HORMAD2: variants seen among roughly 807,000 people sequenced by gnomAD.
The protein encoded by HORMAD2 is HORMA domain-containing protein 2.
HORMAD2 carries 45 observed loss-of-function variants against 38.8 expected under a neutral mutation model. The ratio of observed to expected loss-of-function variants is 1.16; its 90% CI spans 0.91 to 1.49. The LOEUF (loss-of-function observed/expected upper bound fraction) is 1.49, where lower values mean the gene tolerates loss of function less well. Ranked by LOEUF, HORMAD2 falls within the 40% of genes most tolerant of loss-of-function variation. The pLI is 0.00. For missense variants in HORMAD2, 338 were observed against 367.0 expected, an observed-to-expected ratio of 0.92 and a Z score of 0.65; for synonymous variants, 126 against 122.8, an observed-to-expected ratio of 1.03 and a Z score of -0.17.
intron 10 of HORMAD2, among the ~76,000 whole-genome samples, chr22:30,149,187 G>A (rs986516925): frequency 6.6e-6 from 1 of 152,032 alleles, no homozygotes; most frequent in African/African-American, 2.4e-5. Context: ...TTCCTTTCTT[G>A]TACAAATTTT....
At chr22:30,179,313 A>G (rs1181795238), downstream of HORMAD2, among the ~76,000 whole-genome samples, 1 of 152,200 alleles carries the variant, frequency 6.6e-6, no homozygotes, top group East Asian at 1.9e-4. Flanking sequence ...GATTCTGTAC[A>G]AGCGAGAAAA....
At chr22:30,129,240 AAAAAAAAAAAAAAAAAGAGAG>A (rs1923105383) in intron 10 of HORMAD2, among the ~76,000 whole-genome samples, 1 of 62,906 alleles carries the variant, frequency 1.6e-5, no homozygotes, top group African/African-American at 6.1e-5. Flanking sequence ...AAAAAAAAAA[AAAAAAAAAAAAAAAAAGAGAG>A]AGAGAGAATA....
At chr22:30,125,216 CTTTTTTTTTTTTT>C (rs1167990121) in intron 10 of HORMAD2, among the ~76,000 whole-genome samples, 1 of 43,484 alleles carries the variant, frequency 2.3e-5, no homozygotes, top group Non-Finnish European at 4.0e-5. Context: ...TTTTTCTTTT[CTTTTTTTTTTTTT>C]TTTTTTTTTT....
the HORMAD2 span, among the ~76,000 whole-genome samples, chr22:30,197,116 GC>G: frequency 6.6e-6 from 1 of 152,206 alleles, no homozygotes; most frequent in Admixed American, 6.5e-5. Flanking sequence ...TTTTGGGCAG[GC>G]TTTTCCCTAG....
the HORMAD2 span, among the ~76,000 whole-genome samples, chr22:30,200,866 C>A: frequency 1.2e-4 from 18 of 152,120 alleles, no homozygotes; most frequent in African/African-American, 4.3e-4. Flanking sequence ...TCTCCTGCTT[C>A]AGCCTCTCAG....
intron 2 of HORMAD2, among the ~76,000 whole-genome samples, chr22:30,096,658 G>C (rs1446755799): frequency 6.6e-6 from 1 of 151,804 alleles, no homozygotes; most frequent in Non-Finnish European, 1.5e-5. Context: ...AGTAGAGACG[G>C]GGGTTTCACC....
At chr22:30,193,498 G>A in the HORMAD2 span, among the ~76,000 whole-genome samples, 6 of 152,276 alleles carry the variant, frequency 3.9e-5, no homozygotes, top group Middle Eastern at 3.4e-3. Flanking sequence ...AGTGGGGAAG[G>A]GTCAGAAGGG....
intron 7 of HORMAD2, among the ~76,000 whole-genome samples, chr22:30,115,985 A>G (rs978170473): frequency 6.6e-6 from 1 of 152,222 alleles, no homozygotes; most frequent in African/African-American, 2.4e-5. Context: ...GTCAAATCGC[A>G]GTTCTACCAC....
At chr22:30,117,611 C>A (rs942477762) in intron 7 of HORMAD2, among the ~76,000 whole-genome samples, 1 of 151,960 alleles carries the variant, frequency 6.6e-6, no homozygotes, top group Non-Finnish European at 1.5e-5. Flanking sequence ...TGGGTTCAAG[C>A]GATTCTCCTG....
At chr22:30,081,003 C>T (rs1182401319) in intron 1 of HORMAD2, 1 of 152,452 alleles carries the variant, frequency 6.6e-6, no homozygotes, top group Admixed American at 6.5e-5. Flanking sequence ...GACCTCAGCT[C>T]CCCTTTCACT....
chr22:30,188,939 C>A, the HORMAD2 span, among the ~76,000 whole-genome samples: 2 of 151,892 alleles, frequency 1.3e-5, no homozygotes, highest in Non-Finnish European at 2.9e-5. Context: ...AGTTCAAGAC[C>A]AGCCTGGGCA....
intron 10 of HORMAD2, among the ~76,000 whole-genome samples, chr22:30,124,825 A>G (rs1406087095): frequency 6.6e-6 from 1 of 152,122 alleles, no homozygotes; most frequent in African/African-American, 2.4e-5. Flanking sequence ...GTGTATTTTC[A>G]ACTATATTAG....
chr22:30,116,547 G>A (rs1399864804), intron 7 of HORMAD2, among the ~76,000 whole-genome samples: 1 of 152,090 alleles, frequency 6.6e-6, no homozygotes, highest in Non-Finnish European at 1.5e-5. Flanking sequence ...ATGATTCATA[G>A]AAACCACTGA....
chr22:30,140,099 A>G (rs980948071), intron 10 of HORMAD2, among the ~76,000 whole-genome samples: 1 of 152,036 alleles, frequency 6.6e-6, no homozygotes, highest in South Asian at 2.1e-4. Flanking sequence ...CACTGGCTTC[A>G]TAAAAATGAG....
At chr22:30,085,395 T>A (rs2065987117) in intron 1 of HORMAD2, among the ~76,000 whole-genome samples, 1 of 152,186 alleles carries the variant, frequency 6.6e-6, no homozygotes, top group Admixed American at 6.6e-5. Flanking sequence ...TGGTTTATAC[T>A]ATATTAAACA....
chr22:30,196,008 G>C, the HORMAD2 span, among the ~76,000 whole-genome samples: 1 of 152,206 alleles, frequency 6.6e-6, no homozygotes, highest in Admixed American at 6.5e-5. Context: ...CTTAATCTTG[G>C]TTTAAACAAA....
At chr22:30,146,365 C>T (rs1279905580) in intron 10 of HORMAD2, among the ~76,000 whole-genome samples, 6 of 152,152 alleles carry the variant, frequency 3.9e-5, no homozygotes, top group Admixed American at 3.9e-4. Context: ...CCTGGGGGCG[C>T]GTGCCTATAG....
At position 30,120,096 on chromosome 22, in the gene HORMAD2, G is replaced by A. The variant is rs1437026899; in HGVS notation, c.410+1049G>A. Among the ~76,000 whole-genome samples, 4 of 152,132 alleles carry A rather than the reference G, an allele frequency of 2.6e-5. No homozygotes were observed. The East Asian group carries it at 7.7e-4, about 29-fold the overall frequency. On this transcript the variant is annotated intron_variant, in intron 8 of 10. Transcript: ENST00000336726. ...ACTGATGGCCAGATTAAACTCTTTT[G>A]TTCTGAAGGCACATATGCCAAGAGG...
chr22:30,107,765 T>C (rs1365550413), intron 5 of HORMAD2, among the ~76,000 whole-genome samples: 1 of 151,514 alleles, frequency 6.6e-6, no homozygotes, highest in Non-Finnish European at 1.5e-5. Context: ...AATAAATAAA[T>C]AAATAAATGA....
Sources: allele counts gnomAD v4.1 joint callset (sites outside exome capture counted in the v4.1 genomes callset), GRCh38; gene constraint gnomAD v4.1.1; transcripts MANE v1.5; gene names NCBI Gene and HGNC (gene_info 2026-07-23, HGNC 2026-07-21).